The following KLF11 variants were observed in gnomAD, a reference collection of about 807,000 sequenced individuals.
KLF11 encodes the protein KLF transcription factor 11, also known as Krueppel-like factor 11.
Under a neutral mutation model 29.9 loss-of-function variants are expected in KLF11, and 26 were observed. The ratio of observed to expected loss-of-function variants is 0.87; its 90% confidence interval spans 0.64 to 1.21. The LOEUF (loss-of-function observed/expected upper bound fraction) is 1.21. Ranked by LOEUF, KLF11 falls within the 50% of genes most tolerant of loss-of-function variation. KLF11 has a pLI of 0.00. For missense variants in KLF11, 778 were observed against 665.7 expected (o/e 1.17, Z -1.86); for synonymous variants, 318 against 257.4 (o/e 1.24, Z -2.25).
At chr2:10,051,590 T>C (rs967170908) in intron 3 of KLF11, among the ~76,000 whole-genome samples, 3 of 152,004 alleles carry the variant, frequency 2.0e-5, no homozygotes, top group East Asian at 3.9e-4. Flanking sequence ...CAATCTCGGC[T>C]CACTGCAAGC....
intron 3 of KLF11, among the ~76,000 whole-genome samples, chr2:10,051,453 C>T (rs1453408747): frequency 2.0e-5 from 3 of 150,416 alleles, no homozygotes; most frequent in South Asian, 2.1e-4. Flanking sequence ...GTGGTCTGCC[C>T]GCCTCGGCCT....
At chr2:10,049,171 A>G (rs761640604) in intron 3 of KLF11, among the ~76,000 whole-genome samples, 2 of 152,166 alleles carry the variant, frequency 1.3e-5, no homozygotes, top group Non-Finnish European at 2.9e-5. Flanking sequence ...ATTTTTTGCA[A>G]TGGTGGAAAT....
At position 10,054,269 on chromosome 2, in the gene KLF11, C is replaced by A. The variant is rs940806655; in HGVS notation, c.*1762C>A. 6.6e-6 allele frequency: 1 copy of A among 152,204 alleles called. No homozygotes were observed. Among genetic ancestry groups the A allele is most frequent in the Non-Finnish European group, 1.5e-5 (1 of 68,042 alleles). 9.4% of individuals were successfully genotyped at this position (152,204 alleles called of 1,614,324 possible). Reference sequence around the variant, plus strand: ...CAGCATACACATTTTTGACTGTACACACTATAAATGGCATCAAATTTGGAT... The same window carrying A: ...CAGCATACACATTTTTGACTGTACAAACTATAAATGGCATCAAATTTGGAT... On this transcript the variant is annotated 3_prime_UTR_variant, in exon 4 of 4. Transcript: ENST00000305883.
Position 10,053,637 on chromosome 2 carries a change from TG to T in KLF11, c.*1131del. The T allele has an allele frequency of 2.6e-6, 1 of 387,248 alleles. No individual in the cohort carries two copies. Among genetic ancestry groups the T allele is most frequent in the Non-Finnish European group, 4.6e-6 (1 of 219,040 alleles). The allele number at this position is 387,248 out of a possible 1,614,324, so 24.0% of individuals were successfully genotyped here. On this transcript the variant is annotated 3_prime_UTR_variant, in exon 4 of 4. Coordinates refer to ENST00000305883, the MANE Select transcript of KLF11 (RefSeq NM_003597.5). ...CTAAATGGCAGTAATACTACCCAAC[TG>T]CCTTTCTGTTCATTTTGTTTGAAGG...
intron 1 of KLF11, 64 bp downstream of exon 1, chr2:10,043,822 G>A: frequency 7.6e-7 from 1 of 1,307,528 alleles, no homozygotes; most frequent in South Asian, 1.4e-5. Flanking sequence ...GGGGGAAGTG[G>A]TGCGGCACTC....
chr2:10,053,702 G>C lies in KLF11; in HGVS notation c.*1195G>C. The C allele has an allele frequency of 6.4e-6, 2 of 310,370 alleles. No homozygotes were observed. Among genetic ancestry groups the C allele is most frequent in the Admixed American group, 5.0e-5 (1 of 19,934 alleles). The allele number at this position is 310,370 out of a possible 1,614,324, so 19.2% of individuals were successfully genotyped here. ...CAAACAGAAAATTACTTGGAATGGT[G>C]TGTTTTACAGTCTACCTAGAAAATA... is the stretch of plus-strand genomic sequence containing the variant. On this transcript the variant is annotated 3_prime_UTR_variant, in exon 4 of 4. Transcript: ENST00000305883.
At chr2:10,044,748 G>A (rs904850901) in intron 1 of KLF11, among the ~76,000 whole-genome samples, 2 of 151,844 alleles carry the variant, frequency 1.3e-5, no homozygotes, top group African/African-American at 4.8e-5. Flanking sequence ...GGAGGGAGGG[G>A]TATTACTCTT....
intron 1 of KLF11, 64 bp downstream of exon 1, chr2:10,043,822 G>C: frequency 1.5e-6 from 2 of 1,307,528 alleles, no homozygotes; most frequent in Non-Finnish European, 2.0e-6. Context: ...GGGGGAAGTG[G>C]TGCGGCACTC....
chr2:10,046,187 G>C lies in KLF11; in HGVS notation c.80G>C (p.Arg27Thr). The C allele has an allele frequency of 6.2e-7, 1 of 1,614,182 alleles. No individual in the cohort carries two copies. Among genetic ancestry groups the C allele is most frequent in the Non-Finnish European group, 8.5e-7 (1 of 1,180,050 alleles). ...IMDICESILE[R>T]KRHDSERSTC... ...GACATATGTGAGTCCATCCTGGAGA[G>C]GAAGCGGCATGACAGCGAAAGGTCT... Residue 27 changes from arginine to threonine, a missense_variant, in exon 2 of 4, where the codon AGG (arginine) becomes ACG (threonine). Transcript: ENST00000305883.
At chr2:10,049,952 G>C (rs1431746746) in intron 3 of KLF11, among the ~76,000 whole-genome samples, 1 of 152,140 alleles carries the variant, frequency 6.6e-6, no homozygotes, top group African/African-American at 2.4e-5. Flanking sequence ...ATTTCACCGG[G>C]ACTCTCCAGG....
intron 1 of KLF11, chr2:10,044,010 C>A (rs1209987673): frequency 1.3e-6 from 1 of 748,086 alleles, no homozygotes; most frequent in Non-Finnish European, 1.6e-6. Context: ...TCCTGGGCGG[C>A]CCCGCCCCGC....
chr2:10,046,920 A>G (rs929498314), intron 2 of KLF11, among the ~76,000 whole-genome samples: 7 of 152,238 alleles, frequency 4.6e-5, no homozygotes, highest in African/African-American at 1.2e-4. Flanking sequence ...TGCTCTTTCT[A>G]TGGATGGATC....
rs1280513103 is a variant in KLF11, at chr2:10,053,360, C to T, written c.*853C>T. 3 of 398,520 alleles carry T rather than the reference C, an allele frequency of 7.5e-6. No individual in the cohort carries two copies. Among genetic ancestry groups the T allele is most frequent in the Admixed American group, 4.4e-5 (1 of 22,718 alleles). The allele number at this position is 398,520 out of a possible 1,614,324, so 24.7% of individuals were successfully genotyped here. The stretch of plus-strand genomic sequence containing the variant: ...TTCAGTTTCTTGTTTGTACCTAAAA[C>T]ACCAAAAAAGAAACACTCAAATCCA... On this transcript the variant is annotated 3_prime_UTR_variant, in exon 4 of 4. Transcript: ENST00000305883.
intron 2 of KLF11, 147 bp from the exon 3 acceptor site, chr2:10,047,503 A>G: frequency 1.4e-6 from 1 of 734,836 alleles, no homozygotes; most frequent in Non-Finnish European, 2.3e-6. Flanking sequence ...AGAGTGCCTC[A>G]TGCAGCCTTG....
rs753678031 is a variant in KLF11 at position 10,052,412 on chromosome 2, A to C, written c.1444A>C (p.Ile482Leu). The C allele has an allele frequency of 5.6e-6, 9 of 1,613,962 alleles. No individual in the cohort carries two copies. Among genetic ancestry groups the C allele is most frequent in the Non-Finnish European group, 5.9e-6 (7 of 1,180,014 alleles). Residue 482 changes from isoleucine to leucine, a missense_variant, in exon 4 of 4, where the codon ATC becomes CTC. Transcript: ENST00000305883. ...CCGGCGCCACATGACGACCAAGAAG[A>C]TCCCAGGCTGGCAGGCAGAGGTTGG... ...HARRHMTTKKIPGWQAEVGKL... is the reference protein window; with the variant it reads ...HARRHMTTKKLPGWQAEVGKL...
rs929349988 is a variant in KLF11 at position 10,048,391 on chromosome 2, G to A, written c.1054G>A (p.Ala352Thr). Residue 352 changes from alanine to threonine, a missense_variant, in exon 3 of 4, where the codon GCC (alanine) becomes ACC (threonine). Physicochemically the swap from Ala to Thr is moderately conservative, Grantham distance 58. Transcript: ENST00000305883. ...VLPQGALPPP[A>T]PCAANVMAAG... ...GCCCCAGGGAGCCCTCCCTCCGCCT[G>A]CCCCCTGTGCAGCCAATGTCATGGC... is the stretch of plus-strand genomic sequence containing the variant. 7 of 1,613,246 alleles carry A rather than the reference G, an allele frequency of 4.3e-6. No individual in the cohort carries two copies. Among genetic ancestry groups the A allele is most frequent in the Non-Finnish European group, 5.9e-6 (7 of 1,179,376 alleles).
At chr2:10,051,333 G>C (rs1251631411) in intron 3 of KLF11, among the ~76,000 whole-genome samples, 2 of 151,766 alleles carry the variant, frequency 1.3e-5, no homozygotes, top group South Asian at 4.2e-4. Context: ...CTCAGTCTCC[G>C]GAATAGTTGA....
chr2:10,044,568 G>A, intron 1 of KLF11: 3 of 368,426 alleles, frequency 8.1e-6, no homozygotes, highest in Non-Finnish European at 1.1e-5. Context: ...GGGGAACCTC[G>A]GCAGACGGAA....
In KLF11 at chr2:10,050,256, A is replaced by C. The variant is rs895648078; in HGVS notation, c.1258+1661A>C. Among the ~76,000 whole-genome samples, 2 of 151,670 alleles carry C rather than the reference A, an allele frequency of 1.3e-5. 1 individual carries two copies. The highest frequency in any genetic ancestry group is 4.2e-4 in the South Asian group (2 of 4,806). ...ACCCCGTTTCTACTAAAAATACAAAAATTAGCTGGGCCTTCTGGCGCATGC... is the reference window on the plus strand; with the variant it reads ...ACCCCGTTTCTACTAAAAATACAAACATTAGCTGGGCCTTCTGGCGCATGC... On this transcript the variant is annotated intron_variant, in intron 3 of 3. Transcript: ENST00000305883.
Sources: allele counts gnomAD v4.1 joint callset (sites outside exome capture counted in the v4.1 genomes callset), GRCh38; gene constraint gnomAD v4.1.1; transcripts MANE v1.5; gene names NCBI Gene and HGNC (gene_info 2026-07-23, HGNC 2026-07-21).